The following ZNF782 variants were observed in gnomAD, a reference collection of about 807,000 sequenced individuals.
The protein encoded by ZNF782 is zinc finger protein 782.
A neutral mutation model predicts 13.0 loss-of-function variants in ZNF782; 12 were observed. The observed-to-expected ratio is 0.92, with a 90% CI of 0.59 to 1.50. The LOEUF is 1.50. Ranked by LOEUF, ZNF782 falls within the 40% of genes most tolerant of loss-of-function variation. The pLI is 0.00. For missense variants in ZNF782, 770 were observed against 822.9 expected (o/e 0.94, Z 0.79); for synonymous variants, 284 against 283.0 (o/e 1.00, Z -0.04).
chr9:96,842,688 A>T (rs1013396494), intron 4 of ZNF782, among the ~76,000 whole-genome samples: 4 of 152,110 alleles, frequency 2.6e-5, no homozygotes, highest in Admixed American at 6.5e-5. Context: ...CATTTTTACA[A>T]AACTGATAAA....
intron 3 of ZNF782, among the ~76,000 whole-genome samples, chr9:96,849,842 A>G (rs1404596587): frequency 6.6e-6 from 1 of 152,210 alleles, no homozygotes; most frequent in East Asian, 1.9e-4. Flanking sequence ...AAAGTGGACA[A>G]AGGACATGAA....
the ZNF782 span, among the ~76,000 whole-genome samples, chr9:96,886,834 A>G: frequency 3.3e-5 from 5 of 151,630 alleles, no homozygotes; most frequent in Admixed American, 3.3e-4. Context: ...GAGGCAGGAG[A>G]ATCGCTTGAA....
At chr9:96,842,025 C>T (rs1851203440) in intron 4 of ZNF782, among the ~76,000 whole-genome samples, 1 of 151,898 alleles carries the variant, frequency 6.6e-6, no homozygotes, top group South Asian at 2.1e-4. Flanking sequence ...AACAAACATA[C>T]AAAAATCAAT....
intron 2 of ZNF782, among the ~76,000 whole-genome samples, chr9:96,861,088 TA>T (rs969699102): frequency 6.6e-6 from 1 of 150,676 alleles, no homozygotes; most frequent in Non-Finnish European, 1.5e-5. Flanking sequence ...CTCTATTTCT[TA>T]AAAAAAAAAT....
chr9:96,839,276 A>C (rs1196635375), intron 4 of ZNF782, among the ~76,000 whole-genome samples: 4 of 100,020 alleles, frequency 4.0e-5, no homozygotes, highest in Non-Finnish European at 5.9e-5. Context: ...TTTACTTGGG[A>C]CTTTTTTTTT....
At chr9:96,898,841 T>C in the ZNF782 span, among the ~76,000 whole-genome samples, 1 of 149,034 alleles carries the variant, frequency 6.7e-6, no homozygotes, top group Non-Finnish European at 1.5e-5. Context: ...CCCAAAGTGC[T>C]GGGATTACAG....
At chr9:96,930,872 G>GTTTTTTTTTTTTTTTTTTTTTT in the ZNF782 span, among the ~76,000 whole-genome samples, 4 of 72,726 alleles carry the variant, frequency 5.5e-5, 1 homozygote, top group African/African-American at 1.7e-4. Flanking sequence ...CCATCCAGTG[G>GTTTTTTTTTTTTTTTTTTTTTT]TTTTTTTTTT....
chr9:96,818,497 T>A lies in ZNF782; in HGVS notation c.1526A>T (p.Asp509Val). Reference sequence around the variant, plus strand: ...CAGTTTGAAAGCTTTCCCACATTCATCACATTTATATGGTCTTTCCCCTGT... The same window carrying A: ...CAGTTTGAAAGCTTTCCCACATTCAACACATTTATATGGTCTTTCCCCTGT... ...THTGERPYKC[D>V]ECGKAFKLKS... is the part of the protein sequence containing the mutation. The change falls in exon 6 of 6, where the codon GAT (aspartate) becomes GTT (valine). Residue 509 changes from aspartate (D) to valine (V), a missense_variant. Physicochemically the swap from Asp to Val is radical, Grantham distance 152. Coordinates refer to ENST00000481138, the MANE Select transcript of ZNF782 (RefSeq NM_001001662.3). The A allele has an allele frequency of 6.2e-7, 1 of 1,614,104 alleles. No individual in the cohort carries two copies. Among genetic ancestry groups the A allele is most frequent in the Non-Finnish European group, 8.5e-7 (1 of 1,180,024 alleles).
At chr9:96,901,396 CGA>C in the ZNF782 span, among the ~76,000 whole-genome samples, 98 of 150,356 alleles carry the variant, frequency 6.5e-4, no homozygotes, top group African/African-American at 2.3e-3. Context: ...CTCAGCCTCC[CGA>C]GTAACTGGGA....
At chr9:96,909,738 T>C in the ZNF782 span, among the ~76,000 whole-genome samples, 1 of 151,898 alleles carries the variant, frequency 6.6e-6, no homozygotes, top group African/African-American at 2.4e-5. Flanking sequence ...ATCTTAACAA[T>C]GTTTCATGCA....
chr9:96,865,490 G>A (rs1312337561), intron 1 of ZNF782, among the ~76,000 whole-genome samples: 1 of 152,224 alleles, frequency 6.6e-6, no homozygotes, highest in Non-Finnish European at 1.5e-5. Flanking sequence ...GGTCTCCCCA[G>A]CCATGTGGAA....
At chr9:96,819,922 C>A in intron 5 of ZNF782, 144 bp from the exon 6 acceptor site, 2 of 626,990 alleles carry the variant, frequency 3.2e-6, no homozygotes, top group Non-Finnish European at 4.7e-6. Flanking sequence ...ATTTCAAGTA[C>A]ATATTCCCCA....
chr9:96,919,565 GTT>G, the ZNF782 span, among the ~76,000 whole-genome samples: 2 of 98,304 alleles, frequency 2.0e-5, no homozygotes, highest in Admixed American at 1.0e-4. Flanking sequence ...TCTCAAATGA[GTT>G]TTTTTTTTTT....
At chr9:96,890,175 T>G in the ZNF782 span, 2 of 151,508 alleles carry the variant, frequency 1.3e-5, no homozygotes, top group African/African-American at 4.9e-5. Flanking sequence ...TGGCGGGGGG[T>G]GTGTGCAACG....
At chr9:96,932,713 C>T in the ZNF782 span, among the ~76,000 whole-genome samples, 3 of 149,516 alleles carry the variant, frequency 2.0e-5, no homozygotes, top group South Asian at 4.2e-4. Flanking sequence ...AGTGCAATGG[C>T]GCGATCTCAG....
At chr9:96,825,948 G>A (rs201952632) in intron 5 of ZNF782, among the ~76,000 whole-genome samples, 8,960 of 151,580 alleles carry the variant, frequency 0.059, 541 homozygotes, top group East Asian at 0.23. Context: ...TACACTGTTG[G>A]TGGGACTGTA....
chr9:96,840,241 G>C (rs773052719), intron 4 of ZNF782, among the ~76,000 whole-genome samples: 5 of 151,944 alleles, frequency 3.3e-5, no homozygotes, highest in Non-Finnish European at 7.4e-5. Context: ...TGTTCCAGGT[G>C]TACTGGTTCT....
rs778938545 is a variant in ZNF782, at chr9:96,818,294, G to A, written c.1729C>T (p.Leu577Phe). The A allele has an allele frequency of 7.4e-6, 12 of 1,614,106 alleles. No homozygotes were observed. Among genetic ancestry groups the A allele is most frequent in the Admixed American group, 1.7e-5 (1 of 60,020 alleles). Residue 577 changes from leucine to phenylalanine, a missense_variant, in exon 6 of 6, where the codon CTC becomes TTC. Coordinates refer to ENST00000481138, the MANE Select transcript of ZNF782 (RefSeq NM_001001662.3). ...GTATGAGTTCTGTGATGTACTCTGA[G>A]GTTTGATTTCTGACTGAAAGCTTCC... is the stretch of plus-strand genomic sequence containing the variant. ...CGEAFSQKSN[L>F]RVHHRTHTGE...
At position 96,852,060 on chromosome 9, in the gene ZNF782, A is replaced by C. The variant is rs1388470175; in HGVS notation, c.-44-55T>G. On this transcript the variant is annotated intron_variant, in intron 2 of 5. Coordinates refer to ENST00000481138, the MANE Select transcript of ZNF782 (RefSeq NM_001001662.3). ...GTCTCGCCTACCTCACAGCTCCTAG[A>C]TTAGCCTCCCCAAATCTCAGCAACC... 10 of 1,212,724 alleles carry C rather than the reference A, an allele frequency of 8.2e-6. No individual in the cohort carries two copies. The Admixed American group carries it at 1.1e-4, about 13-fold the overall frequency. The allele number at this position is 1,212,724 out of a possible 1,614,324, so 75.1% of individuals were successfully genotyped here. A position where few individuals can be genotyped will look rare whatever the true frequency, so the allele number is the denominator to read the frequency against.
Sources: allele counts gnomAD v4.1 joint callset (sites outside exome capture counted in the v4.1 genomes callset), GRCh38; gene constraint gnomAD v4.1.1; transcripts MANE v1.5; gene names NCBI Gene and HGNC (gene_info 2026-07-23, HGNC 2026-07-21).